The following VWA3B variants were observed in gnomAD, a reference collection of about 807,000 sequenced individuals.
VWA3B encodes the protein von Willebrand factor A domain-containing protein 3B.
A neutral mutation model predicts 158.3 loss-of-function variants in VWA3B; 138 were observed. That is an observed-to-expected ratio of 0.87 (90% confidence interval 0.76 to 1.00). VWA3B has a LOEUF of 1.00. Ranked by LOEUF, VWA3B falls within the 50% of genes least tolerant of loss-of-function variation. The pLI, the probability that VWA3B is intolerant of heterozygous loss-of-function variation, is 0.00. For missense variants in VWA3B, 1,555 were observed against 1,565.1 expected (o/e 0.99, Z 0.11); for synonymous variants, 596 against 587.3 (o/e 1.01, Z -0.21).
chr2:98,150,052 C>A (rs1395160445), intron 7 of VWA3B, among the ~76,000 whole-genome samples: 2 of 152,164 alleles, frequency 1.3e-5, no homozygotes, highest in African/African-American at 4.8e-5. Context: ...GAATTATTAT[C>A]AACTTTTAGG....
At chr2:98,246,471 G>A (rs1449715080) in intron 19 of VWA3B, among the ~76,000 whole-genome samples, 5 of 152,156 alleles carry the variant, frequency 3.3e-5, no homozygotes, top group East Asian at 1.9e-4. Context: ...TCCAACTCCC[G>A]AGTTCAAGCG....
At chr2:98,210,008 A>G (rs907759905) in intron 12 of VWA3B, among the ~76,000 whole-genome samples, 1 of 152,292 alleles carries the variant, frequency 6.6e-6, no homozygotes, top group African/African-American at 2.4e-5. Context: ...GGTGGAAGGC[A>G]TGTCCCTGGG....
At chr2:98,260,023 C>G (rs980305854) in intron 21 of VWA3B, among the ~76,000 whole-genome samples, 3 of 151,634 alleles carry the variant, frequency 2.0e-5, no homozygotes, top group Non-Finnish European at 3.0e-5. Context: ...AATTTCTATG[C>G]ATTTTCCATT....
chr2:98,223,175 A>G (rs1203769581), intron 14 of VWA3B, among the ~76,000 whole-genome samples: 27 of 152,196 alleles, frequency 1.8e-4, no homozygotes, highest in Admixed American at 1.8e-3. Flanking sequence ...GAACTGAAAA[A>G]TACAAGAGCA....
At chr2:98,165,313 AATGAG>A (rs1678975890) in intron 8 of VWA3B, among the ~76,000 whole-genome samples, 1 of 152,240 alleles carries the variant, frequency 6.6e-6, no homozygotes, top group African/African-American at 2.4e-5. Context: ...CTACACAGCT[AATGAG>A]ATGATGAAGC....
intron 8 of VWA3B, among the ~76,000 whole-genome samples, chr2:98,164,375 T>C (rs1678895326): frequency 6.6e-6 from 1 of 152,226 alleles, no homozygotes; most frequent in African/African-American, 2.4e-5. Context: ...TTTGGAAGAC[T>C]GATTTGCATT....
intron 7 of VWA3B, among the ~76,000 whole-genome samples, chr2:98,154,144 G>A (rs570619577): frequency 3.9e-4 from 59 of 152,300 alleles, no homozygotes; most frequent in African/African-American, 1.3e-3. Flanking sequence ...TTACAGGTGT[G>A]AGCCACCGCG....
chr2:98,187,664 CTGTGTGTGTGTGTGTGTG>C (rs3066239), intron 9 of VWA3B, among the ~76,000 whole-genome samples: 5 of 141,692 alleles, frequency 3.5e-5, no homozygotes, highest in African/African-American at 1.1e-4. Context: ...GTCTCTGTGT[CTGTGTGTGTGTGTGTGTG>C]TGTGTGTGTG....
chr2:98,263,064 C>T (rs1024059980), intron 21 of VWA3B, among the ~76,000 whole-genome samples: 2 of 151,560 alleles, frequency 1.3e-5, no homozygotes, highest in Admixed American at 6.6e-5. Flanking sequence ...CTCTTAATTC[C>T]TTACCTGATT....
intron 2 of VWA3B, among the ~76,000 whole-genome samples, chr2:98,107,934 A>C (rs1673805618): frequency 6.7e-6 from 1 of 150,078 alleles, no homozygotes. Context: ...CTTTTTTCTA[A>C]TTTCTTCAGT....
intron 12 of VWA3B, among the ~76,000 whole-genome samples, chr2:98,209,535 C>T (rs1169374689): frequency 6.6e-6 from 1 of 152,202 alleles, no homozygotes; most frequent in Non-Finnish European, 1.5e-5. Flanking sequence ...TCGCCTCAGC[C>T]TCCCAAAGTG....
intron 2 of VWA3B, among the ~76,000 whole-genome samples, chr2:98,112,516 G>A (rs573116789): frequency 1.1e-4 from 17 of 151,642 alleles, no homozygotes; most frequent in African/African-American, 2.7e-4. Context: ...GACATAATCC[G>A]TAACATTTTC....
At chr2:98,249,013 A>G (rs2105794984) in intron 19 of VWA3B, among the ~76,000 whole-genome samples, 1 of 152,228 alleles carries the variant, frequency 6.6e-6, no homozygotes, top group East Asian at 1.9e-4. Flanking sequence ...ACATAAAAGC[A>G]TAAACTATGT....
At chr2:98,235,752 G>T (rs1417744101) in intron 17 of VWA3B, among the ~76,000 whole-genome samples, 2 of 152,244 alleles carry the variant, frequency 1.3e-5, no homozygotes, top group Middle Eastern at 3.4e-3. Context: ...TTCCTAAGTT[G>T]TCTACATGCA....
intron 24 of VWA3B, among the ~76,000 whole-genome samples, chr2:98,299,042 C>G (rs189651504): frequency 6.6e-6 from 1 of 152,164 alleles, no homozygotes; most frequent in South Asian, 2.1e-4. Flanking sequence ...TGCTACCCGG[C>G]GTCAGGAGAT....
At chr2:98,124,770 G>C (rs1675227171) in intron 5 of VWA3B, among the ~76,000 whole-genome samples, 1 of 152,182 alleles carries the variant, frequency 6.6e-6, no homozygotes, top group Non-Finnish European at 1.5e-5. Context: ...TGGAGCAGAG[G>C]GCAGTCAGAG....
intron 12 of VWA3B, chr2:98,207,109 T>C: frequency 5.7e-6 from 3 of 529,656 alleles, no homozygotes; most frequent in Non-Finnish European, 1.1e-5. Context: ...GTCTGCCTTA[T>C]TGGGCAGAAT....
chr2:98,290,551 C>A lies in VWA3B; in HGVS notation c.3086C>A (p.Ser1029Ter). Residue 1029 changes from serine to a stop codon, truncating the protein, a stop_gained, in exon 23 of 28, where the codon TCA (serine) becomes TAA (stop). Transcript: ENST00000477737. LOFTEE classifies it high-confidence loss of function. ...GGAAATCCAACAAAGAAAACCAAAT[C>A]AAAAAGACCAGATCCCCTCAAAGGA... The part of the protein sequence containing the change: ...LQGNPTKKTK[S>*]KRPDPLKGQK... The A allele has an allele frequency of 6.3e-7, 1 of 1,583,120 alleles. No individual in the cohort carries two copies. Among genetic ancestry groups the A allele is most frequent in the Non-Finnish European group, 8.5e-7 (1 of 1,171,872 alleles).
intron 16 of VWA3B, among the ~76,000 whole-genome samples, chr2:98,232,256 T>G (rs1323285124): frequency 2.0e-5 from 3 of 152,238 alleles, no homozygotes; most frequent in Non-Finnish European, 4.4e-5. Context: ...ATTTATCAGA[T>G]TTATGAGGGC....
Sources: gnomAD v4.1 joint callset for allele counts (sites outside exome capture counted in the v4.1 genomes callset) on GRCh38, gnomAD v4.1.1 for gene constraint, MANE v1.5 for transcripts, NCBI Gene and HGNC (gene_info 2026-07-23, HGNC 2026-07-21) for gene names.